TTN: variants seen among roughly 807,000 people sequenced by gnomAD.
TTN encodes the protein titin.
A neutral mutation model predicts 3,223.0 loss-of-function variants in TTN; 1,525 were observed. The observed-to-expected ratio is 0.47, with a 90% CI of 0.45 to 0.49. The LOEUF is 0.49. TTN is among the 20% of genes least tolerant of loss of function. TTN has a pLI of 0.00. For missense variants in TTN, 40,786 were observed against 43,424.0 expected (o/e 0.94, Z 5.40); for synonymous variants, 14,094 against 15,161.0 (o/e 0.93, Z 5.17).
In TTN at chr2:178,727,352, C is replaced by T; in HGVS notation, c.20013G>A (p.Lys6671=). 6.3e-7 allele frequency: 1 copy of T among 1,598,544 alleles called. No individual in the cohort carries two copies. The change falls in exon 69 of 363, where the codon AAG becomes AAA. Residue 6671 remains lysine, a synonymous_variant. Transcript: ENST00000589042. ...LLVTEPPKFV[K]KLEASKIVKA... Reference sequence around the variant, plus strand: ...TCACAATTTTGGAGGCTTCTAATTTCTTTACAAACTTTGGTGGTTCTAAAG... The same window carrying T: ...TCACAATTTTGGAGGCTTCTAATTTTTTTACAAACTTTGGTGGTTCTAAAG...
Position 178,568,604 on chromosome 2 carries a change from C to G in TTN, c.77528G>C (p.Arg25843Thr). Residue 25843 changes from arginine (R) to threonine (T), a missense_variant, in exon 326 of 363, where the codon AGA becomes ACA. Coordinates refer to ENST00000589042, the MANE Select transcript of TTN (RefSeq NM_001267550.2). ...KDGLPLKQTT[R>T]INVTDSLDLT... ...ATCCAGTGAATCGGTAACATTGATT[C>G]TTGTGGTCTGCTTCAGTGGGAGACC... is the stretch of plus-strand genomic sequence containing the variant. 1.1e-5 allele frequency: 17 copies of G among 1,613,376 alleles called. No homozygotes were observed. Among genetic ancestry groups the G allele is most frequent in the Non-Finnish European group, 1.4e-5 (17 of 1,179,536 alleles).
At chr2:178,694,501 G>T (rs1406443856) in intron 117 of TTN, 98 bp downstream of exon 117, 3 of 785,180 alleles carry the variant, frequency 3.8e-6, no homozygotes, top group South Asian at 5.0e-5. Context: ...GTTTTTGGTC[G>T]TTTCAGATTT....
chr2:178,587,498 A>G lies in TTN; in HGVS notation c.63793+18T>C. ...ATTCATTTTTGAAGTGGGAGGGAGA[A>G]GCATTTTAGTAACCCACCTAATACT... On this transcript the variant is annotated intron_variant, in intron 306 of 362. Transcript: ENST00000589042. 1 of 1,604,932 alleles carries G rather than the reference A, an allele frequency of 6.2e-7. No individual in the cohort carries two copies. Among genetic ancestry groups the G allele is most frequent in the Non-Finnish European group, 8.5e-7 (1 of 1,176,032 alleles).
chr2:178,549,335 G>T lies in TTN; in HGVS notation c.92291C>A (p.Thr30764Lys), dbSNP rs376537509. Residue 30764 changes from threonine to lysine, a missense_variant, in exon 339 of 363, where the codon ACA becomes AAA. Transcript: ENST00000589042. ...TTTGCTGATCACTTTTACCCATCTTGTGCTTTTCTTTTCTCTTCTTTCAAG... is the reference window on the plus strand; with the variant it reads ...TTTGCTGATCACTTTTACCCATCTTTTGCTTTTCTTTTCTCTTCTTTCAAG... ...YILERREKKSTRWVKVISKRP... is the reference protein window; with the variant it reads ...YILERREKKSKRWVKVISKRP... 1.9e-5 allele frequency: 31 copies of T among 1,613,750 alleles called. No individual in the cohort carries two copies. The highest frequency in any genetic ancestry group is 2.6e-5 in the Non-Finnish European group (31 of 1,179,836).
At chr2:178,780,839 TGGAAGGCAACC>T (rs1459839768) in intron 21 of TTN, among the ~76,000 whole-genome samples, 1 of 152,216 alleles carries the variant, frequency 6.6e-6, no homozygotes, top group African/African-American at 2.4e-5. Context: ...TGCCTGGGCC[TGGAAGGCAACC>T]GGATTTAGAA....
rs876658040 is a variant in TTN, at chr2:178,734,409, T to C, written c.15415A>G (p.Ser5139Gly). 6.2e-7 allele frequency: 1 copy of C among 1,613,714 alleles called. No homozygotes were observed. The highest frequency in any genetic ancestry group is 8.5e-7 in the Non-Finnish European group (1 of 1,179,724). The change falls in exon 52 of 363, where the codon AGT becomes GGT. Residue 5139 changes from serine (S) to glycine (G), a missense_variant. Transcript: ENST00000589042. ...CATTCATATTCACCAACATCTGCAC[T>C]ATTAAACGAAAAGATCTCCAGACAC... Reference protein sequence around the residue: ...LVCLEIFSFNSADVGEYECVV... With the variant: ...LVCLEIFSFNGADVGEYECVV...
chr2:178,549,796 A>G lies in TTN; in HGVS notation c.91926T>C (p.Asp30642=). 6.2e-7 allele frequency: 1 copy of G among 1,610,404 alleles called. No individual in the cohort carries two copies. The highest frequency in any genetic ancestry group is 8.5e-7 in the Non-Finnish European group (1 of 1,177,006). ...ITGEKMTLWW[D]APLNDGCAPI... Reference sequence around the variant, plus strand: ...GAGCACAACCGTCATTGAGTGGGGCATCCCACCACAGAGTCATCTTCTCCC... The same window carrying G: ...GAGCACAACCGTCATTGAGTGGGGCGTCCCACCACAGAGTCATCTTCTCCC... Residue 30642 remains aspartate, a synonymous_variant, in exon 338 of 363, where the codon GAT becomes GAC. Transcript: ENST00000589042.
intron 42 of TTN, 27 bp from the exon 43 acceptor site, chr2:178,764,329 C>T (rs1050210881): frequency 7.4e-6 from 12 of 1,613,290 alleles, no homozygotes; most frequent in Non-Finnish European, 1.0e-5. Context: ...CAAGATTTGT[C>T]ATGATTAAGT....
chr2:178,539,476 A>G lies in TTN; in HGVS notation c.98589T>C (p.Asn32863=), dbSNP rs1553509474. The G allele has an allele frequency of 1.2e-6, 2 of 1,613,720 alleles. No homozygotes were observed. Among genetic ancestry groups the G allele is most frequent in the African/African-American group, 1.3e-5 (1 of 74,902 alleles). Residue 32863 remains asparagine, a synonymous_variant, in exon 352 of 363, where the codon AAT becomes AAC. Transcript: ENST00000589042. The part of the protein sequence containing the change: ...TSLVVKGLKE[N]VEYHFRVSAE... ...CTGAAACACGGAAATGGTATTCTACATTCTCTTTGAGGCCTTTTACCACCA... is the reference window on the plus strand; with the variant it reads ...CTGAAACACGGAAATGGTATTCTACGTTCTCTTTGAGGCCTTTTACCACCA...
chr2:178,689,362 G>A lies in TTN; in HGVS notation c.31939C>T (p.Pro10647Ser). The A allele has an allele frequency of 6.2e-7, 1 of 1,613,688 alleles. No individual in the cohort carries two copies. Among genetic ancestry groups the A allele is most frequent in the Non-Finnish European group, 8.5e-7 (1 of 1,179,792 alleles). The change falls in exon 124 of 363, where the codon CCA becomes TCA. Residue 10647 changes from proline to serine, a missense_variant. By Grantham distance (74) the Pro-to-Ser change is moderately conservative. Transcript: ENST00000589042. The part of the protein sequence containing the change: ...ESPPPAVPEI[P>S]KKKVPEERKP... ...CTTTCTTCAGGAACTTTCTTCTTTG[G>A]TATTTCTGGCACTTAAAGGATAGTA...
chr2:178,527,728 T>C lies in TTN; in HGVS notation c.107398A>G (p.Arg35800Gly). The C allele has an allele frequency of 1.9e-6, 3 of 1,601,938 alleles. No individual in the cohort carries two copies. The highest frequency in any genetic ancestry group is 1.7e-4 in the Middle Eastern group (1 of 5,952). ...MVLPLVEEPS[R>G]EVVLRTSGDT... Reference sequence around the variant, plus strand: ...CCACTTGTTCTCAATACTACCTCTCTGGAAGGTTCTTCAACTAGAGCTGTG... The same window carrying C: ...CCACTTGTTCTCAATACTACCTCTCCGGAAGGTTCTTCAACTAGAGCTGTG... Residue 35800 changes from arginine (R) to glycine (G), a missense_variant, in exon 362 of 363, where the codon AGA becomes GGA. Arg to Gly is a moderately radical substitution (Grantham distance 125). Transcript: ENST00000589042.
chr2:178,726,030 G>T lies in TTN; in HGVS notation c.20292C>A (p.Ser6764Arg). 6.6e-7 allele frequency: 1 copy of T among 1,520,290 alleles called. No individual in the cohort carries two copies. The highest frequency in any genetic ancestry group is 2.2e-5 in the Admixed American group (1 of 46,404). 94.2% of individuals were successfully genotyped at this position (1,520,290 alleles called of 1,614,324 possible). A position where few individuals can be genotyped will look rare whatever the true frequency, so the allele number is the denominator to read the frequency against. The change falls in exon 70 of 363, where the codon AGC becomes AGA. Residue 6764 changes from serine to arginine, a missense_variant. By Grantham distance (110) the Ser-to-Arg change is moderately radical. Coordinates refer to ENST00000589042, the MANE Select transcript of TTN (RefSeq NM_001267550.2). The part of the protein sequence containing the change: ...KVIVKEPPVF[S>R]SFPPIVETLK... ...GGGTTTCTACTATAGGAGGGAAGCT[G>T]CTAAAAACAGGTGGCTCTGCAAAAA...
intron 330 of TTN, chr2:178,555,980 T>A (rs968512114): frequency 1.3e-5 from 2 of 152,228 alleles, no homozygotes; most frequent in African/African-American, 4.8e-5. Context: ...TCTGTCTGAA[T>A]TCCCACTCCA....
Position 178,615,732 on chromosome 2 carries a change from T to C in TTN, c.48369A>G (p.Lys16123=), listed in dbSNP as rs374696964. ...GAGCACAAACTTTAAATAAGTACTC[T>C]TTTCCTTGAACAAGATCAGGAACTG... The part of the protein sequence containing the change: ...EFTVPDLVQG[K]EYLFKVCARN... Residue 16123 remains lysine, a synonymous_variant, in exon 258 of 363, where the codon AAA becomes AAG. Transcript: ENST00000589042. The C allele has an allele frequency of 6.2e-7, 1 of 1,612,174 alleles. No homozygotes were observed. The highest frequency in any genetic ancestry group is 1.3e-5 in the African/African-American group (1 of 74,792).
Position 178,573,882 on chromosome 2 carries a change from A to G in TTN, c.72250T>C (p.Ser24084Pro). Residue 24084 changes from serine to proline, a missense_variant, in exon 326 of 363, where the codon TCT becomes CCT. Ser to Pro is a moderately conservative substitution (Grantham distance 74, BLOSUM62 -1). Transcript: ENST00000589042. Reference sequence around the variant, plus strand: ...GAATCTTTGTTTACCAGATTAGTAGAGAAATCTGCAATTTTTATTTCTAAC... The same window carrying G: ...GAATCTTTGTTTACCAGATTAGTAGGGAAATCTGCAATTTTTATTTCTAAC... ...AKLEIKIADF[S>P]TNLVNKDSTR... 4 of 1,611,282 alleles carry G rather than the reference A, an allele frequency of 2.5e-6. No homozygotes were observed. The highest frequency in any genetic ancestry group is 3.4e-6 in the Non-Finnish European group (4 of 1,177,922).
chr2:178,608,703 A>C lies in TTN; in HGVS notation c.52308T>G (p.Ile17436Met). 6.2e-7 allele frequency: 1 copy of C among 1,612,518 alleles called. No homozygotes were observed. The highest frequency in any genetic ancestry group is 8.5e-7 in the Non-Finnish European group (1 of 1,179,176). Residue 17436 changes from isoleucine to methionine, a missense_variant, in exon 274 of 363, where the codon ATT (isoleucine) becomes ATG (methionine). By Grantham distance (10) the Ile-to-Met change is conservative. Transcript: ENST00000589042. ...RHCKYSVTKL[I>M]EGKEYLFRVR... ...CACGGAAGAGGTACTCTTTTCCTTC[A>C]ATCAGTTTTGTTACTGAATATTTGC...
chr2:178,614,098 A>C lies in TTN; in HGVS notation c.49299T>G (p.Val16433=). ...TTGGAGAGGCCTGAACTGGTTCACC[A>C]ACACCATACATGTTTTCTGCAGCAA... ...FRVAAENMYG[V]GEPVQASPIT... is the part of the protein sequence containing the mutation. Residue 16433 remains valine, a synonymous_variant, in exon 262 of 363, where the codon GTT becomes GTG. Coordinates refer to ENST00000589042, the MANE Select transcript of TTN (RefSeq NM_001267550.2). 6.2e-7 allele frequency: 1 copy of C among 1,612,526 alleles called. No homozygotes were observed. The highest frequency in any genetic ancestry group is 8.5e-7 in the Non-Finnish European group (1 of 1,179,250).
intron 8 of TTN, among the ~76,000 whole-genome samples, chr2:178,793,751 G>A (rs941224393): frequency 1.3e-5 from 2 of 152,162 alleles, no homozygotes; most frequent in African/African-American, 4.8e-5. Flanking sequence ...AGTGAGCGGA[G>A]GTCATGCCAC....
At position 178,561,912 on chromosome 2, in the gene TTN, T is replaced by C. The variant is rs1202396763; in HGVS notation, c.84220A>G (p.Ile28074Val). The C allele has an allele frequency of 6.2e-7, 1 of 1,613,492 alleles. No homozygotes were observed. The highest frequency in any genetic ancestry group is 1.3e-5 in the African/African-American group (1 of 74,914). Reference protein sequence around the residue: ...IDEVSCDSITISWNPPEYDGG... With the variant: ...IDEVSCDSITVSWNPPEYDGG... ...TCATATTCTGGAGGATTCCAAGAAA[T>C]GGTTATGCTGTCACAACTAACCTCA... Residue 28074 changes from isoleucine (I) to valine (V), a missense_variant, in exon 326 of 363, where the codon ATT (isoleucine) becomes GTT (valine). Ile to Val is a conservative substitution (Grantham distance 29). Transcript: ENST00000589042.
Sources: allele counts gnomAD v4.1 joint callset (sites outside exome capture counted in the v4.1 genomes callset), GRCh38; gene constraint gnomAD v4.1.1; transcripts MANE v1.5; gene names NCBI Gene and HGNC (gene_info 2026-07-23, HGNC 2026-07-21).